The following DPYD variants were observed in gnomAD, a reference collection of about 807,000 sequenced individuals.
The protein encoded by DPYD is dihydropyrimidine dehydrogenase [NADP(+)].
Under a neutral mutation model 116.2 loss-of-function variants are expected in DPYD, and 109 were observed. The observed-to-expected ratio is 0.94, with a 90% CI of 0.80 to 1.10. The LOEUF (loss-of-function observed/expected upper bound fraction) is 1.10. Among genes scored for constraint, DPYD ranks in the 50% least tolerant of loss-of-function variants. The probability of loss-of-function intolerance (pLI) is 0.00; values close to 1 mark genes in which losing one functional copy is unlikely to be tolerated. For missense variants in DPYD, 1,302 were observed against 1,254.5 expected, an observed-to-expected ratio of 1.04 and a Z score of -0.57; for synonymous variants, 440 against 432.0, an observed-to-expected ratio of 1.02 and a Z score of -0.23.
chr1:97,479,447 C>T (rs757888556), intron 13 of DPYD, among the ~76,000 whole-genome samples: 4 of 152,094 alleles, frequency 2.6e-5, no homozygotes, highest in African/African-American at 4.8e-5. Context: ...ACACACAACA[C>T]GTATTGGTTA....
chr1:97,213,150 C>T (rs1453575220), intron 19 of DPYD, among the ~76,000 whole-genome samples: 1 of 152,076 alleles, frequency 6.6e-6, no homozygotes, highest in African/African-American at 2.4e-5. Flanking sequence ...ACCTATCAAA[C>T]CTTTGACTTA....
intron 13 of DPYD, among the ~76,000 whole-genome samples, chr1:97,512,431 T>C (rs1322539732): frequency 6.6e-6 from 1 of 151,866 alleles, no homozygotes; most frequent in Non-Finnish European, 1.5e-5. Context: ...GAACTGTTGC[T>C]TGGGTTTAGA....
chr1:97,241,806 A>G (rs1461986998), intron 18 of DPYD, among the ~76,000 whole-genome samples: 2 of 151,828 alleles, frequency 1.3e-5, no homozygotes, highest in Non-Finnish European at 1.5e-5. Context: ...AGATGATACA[A>G]CTCATGGGAA....
intron 13 of DPYD, among the ~76,000 whole-genome samples, chr1:97,509,126 G>C (rs1008237138): frequency 2.0e-5 from 3 of 151,984 alleles, no homozygotes; most frequent in Non-Finnish European, 4.4e-5. Context: ...GTGAAGCAAA[G>C]GCAAGTCAAC....
At chr1:97,329,526 C>A (rs1668873078) in intron 16 of DPYD, among the ~76,000 whole-genome samples, 1 of 151,808 alleles carries the variant, frequency 6.6e-6, no homozygotes, top group African/African-American at 2.4e-5. Flanking sequence ...GTGGGCGGAT[C>A]ACCTGAGGTC....
At chr1:97,757,317 G>A (rs1665304588) in intron 3 of DPYD, among the ~76,000 whole-genome samples, 1 of 152,178 alleles carries the variant, frequency 6.6e-6, no homozygotes, top group South Asian at 2.1e-4. Context: ...AGAAGCAGGA[G>A]TTAGCCAGGG....
intron 10 of DPYD, among the ~76,000 whole-genome samples, chr1:97,583,539 A>G (rs1653848341): frequency 6.6e-6 from 1 of 151,888 alleles, no homozygotes; most frequent in Non-Finnish European, 1.5e-5. Flanking sequence ...GCCTCCATGT[A>G]CAAATTCTTT....
In DPYD at chr1:97,789,126, A is replaced by C. The variant is rs116530233; in HGVS notation, c.233+38988T>G. ...CTGTGGCTGAATAAAACCTTAACCCAAGAAATAACCTGCACTGGGGTACAC... is the reference window on the plus strand; with the variant it reads ...CTGTGGCTGAATAAAACCTTAACCCCAGAAATAACCTGCACTGGGGTACAC... On this transcript the variant is annotated intron_variant, in intron 3 of 22. Transcript: ENST00000370192. Among the ~76,000 whole-genome samples the C allele has an allele frequency of 9.4e-3, 1,438 of 152,272 alleles. 27 individuals carry two copies. Among genetic ancestry groups the C allele is most frequent in the African/African-American group, 0.033 (1,370 of 41,552 alleles).
At chr1:97,372,839 T>C (rs1671378263) in intron 16 of DPYD, among the ~76,000 whole-genome samples, 1 of 152,174 alleles carries the variant, frequency 6.6e-6, no homozygotes, top group African/African-American at 2.4e-5. Flanking sequence ...CGTCAGAAAT[T>C]ACTACATTTC....
intron 5 of DPYD, among the ~76,000 whole-genome samples, chr1:97,701,506 A>C (rs1046661597): frequency 6.6e-6 from 1 of 151,736 alleles, no homozygotes. Flanking sequence ...AGTTGCTTGC[A>C]TTTAATAGGT....
chr1:97,412,107 AT>A (rs917906965), intron 14 of DPYD, among the ~76,000 whole-genome samples: 3 of 152,158 alleles, frequency 2.0e-5, no homozygotes, highest in African/African-American at 7.2e-5. Context: ...TCAACTAGTC[AT>A]TTCATAATTT....
At chr1:97,641,600 C>CA (rs1657910498) in intron 8 of DPYD, among the ~76,000 whole-genome samples, 1 of 152,086 alleles carries the variant, frequency 6.6e-6, no homozygotes, top group African/African-American at 2.4e-5. Flanking sequence ...GAACGTATCT[C>CA]AAAATAATAA....
intron 16 of DPYD, among the ~76,000 whole-genome samples, chr1:97,332,094 G>A (rs1248806751): frequency 6.6e-6 from 1 of 152,126 alleles, no homozygotes; most frequent in Admixed American, 6.5e-5. Flanking sequence ...GGAACACTGA[G>A]AATTCCGTTG....
intron 21 of DPYD, among the ~76,000 whole-genome samples, chr1:97,091,385 T>C (rs923931110): frequency 3.3e-5 from 5 of 152,128 alleles, no homozygotes; most frequent in Non-Finnish European, 5.9e-5. Context: ...AAAAATGGTA[T>C]GTCAAGAAAG....
At chr1:97,916,269 T>C (rs1480529656) in intron 1 of DPYD, among the ~76,000 whole-genome samples, 1 of 152,168 alleles carries the variant, frequency 6.6e-6, no homozygotes, top group Non-Finnish European at 1.5e-5. Flanking sequence ...TGTGCCATGT[T>C]GGTGTGCTGC....
At chr1:97,821,694 C>T (rs981504158) in intron 3 of DPYD, among the ~76,000 whole-genome samples, 4 of 152,164 alleles carry the variant, frequency 2.6e-5, no homozygotes, top group Admixed American at 1.3e-4. Context: ...ACAAGATATA[C>T]AGCTTCTAGT....
intron 14 of DPYD, among the ~76,000 whole-genome samples, chr1:97,448,927 A>ATGCATGTATTTTATGTCAAGTTCTATG (rs1676241600): frequency 6.6e-6 from 1 of 151,964 alleles, no homozygotes; most frequent in Non-Finnish European, 1.5e-5. Flanking sequence ...TTTATTTCAA[A>ATGCATGTATTTTATGTCAAGTTCTATG]TGCATGTATT....
intron 18 of DPYD, among the ~76,000 whole-genome samples, chr1:97,282,695 G>T (rs906785224): frequency 6.6e-6 from 1 of 151,970 alleles, no homozygotes; most frequent in African/African-American, 2.4e-5. Flanking sequence ...ATCATCATAG[G>T]TAGTTTCTAT....
intron 14 of DPYD, among the ~76,000 whole-genome samples, chr1:97,412,067 C>T (rs1674027889): frequency 6.6e-6 from 1 of 152,128 alleles, no homozygotes; most frequent in African/African-American, 2.4e-5. Flanking sequence ...ATTAAGCATA[C>T]CGGGAGGAAA....
Sources: allele counts gnomAD v4.1 joint callset (sites outside exome capture counted in the v4.1 genomes callset), GRCh38; gene constraint gnomAD v4.1.1; transcripts MANE v1.5; gene names NCBI Gene and HGNC (gene_info 2026-07-23, HGNC 2026-07-21).